MBNL1: variants seen among roughly 807,000 people sequenced by gnomAD.
MBNL1 encodes the protein muscleblind like splicing regulator 1.
Under a neutral mutation model 42.2 loss-of-function variants are expected in MBNL1, and 8 were observed. The ratio of observed to expected loss-of-function variants is 0.19; its 90% CI spans 0.11 to 0.34. The LOEUF (loss-of-function observed/expected upper bound fraction) is 0.34. Ranked by LOEUF, MBNL1 falls within the 10% of genes least tolerant of loss-of-function variation. The pLI, the probability that MBNL1 is intolerant of heterozygous loss-of-function variation, is 1.00. For synonymous variants in MBNL1, 169 were observed against 173.9 expected (o/e 0.97, Z 0.22); for missense variants, 309 against 495.3 (o/e 0.62, Z 3.57).
At chr3:152,329,695 T>TTTTA (rs1553834871) in intron 2 of MBNL1, among the ~76,000 whole-genome samples, 2 of 132,398 alleles carry the variant, frequency 1.5e-5, no homozygotes, top group Non-Finnish European at 3.5e-5. Flanking sequence ...ATCTTATATA[T>TTTTA]TATATATATA....
intron 2 of MBNL1, among the ~76,000 whole-genome samples, chr3:152,381,783 G>A (rs550647562): frequency 1.3e-5 from 2 of 152,056 alleles, no homozygotes; most frequent in East Asian, 1.9e-4. Flanking sequence ...TTGTAACTTA[G>A]AGTGAGAAAA....
upstream of MBNL1, chr3:152,266,135 G>A (rs2037190208): frequency 6.6e-6 from 1 of 152,132 alleles, no homozygotes; most frequent in Admixed American, 6.5e-5. Flanking sequence ...GTAATTTAGT[G>A]TTATATCACA....
chr3:152,401,127 G>A (rs1380816869), intron 2 of MBNL1, among the ~76,000 whole-genome samples: 1 of 152,210 alleles, frequency 6.6e-6, no homozygotes, highest in Non-Finnish European at 1.5e-5. Context: ...ATTGTCAAGT[G>A]ATGTGATAGC....
Position 152,455,575 on chromosome 3 carries a change from T to C in MBNL1, c.995T>C (p.Val332Ala), listed in dbSNP as rs1732024710. Residue 332 changes from valine to alanine, a missense_variant and splice_region_variant, in exon 7 of 10, where the codon GTT becomes GCT. Coordinates refer to ENST00000324210, the MANE Select transcript of MBNL1 (RefSeq NM_021038.5). ...SILCMTPATS[V>A]VPMVHGATPA... ...TTGTGCATGACACCCGCTACAAGTG[T>C]TGGTAGGTGCCAGCTTTGTTTCTTG... 6.2e-7 allele frequency: 1 copy of C among 1,613,576 alleles called. No individual in the cohort carries two copies. The highest frequency in any genetic ancestry group is 8.5e-7 in the Non-Finnish European group (1 of 1,179,586).
At chr3:152,319,166 T>C (rs1229523397) in intron 2 of MBNL1, among the ~76,000 whole-genome samples, 2 of 152,162 alleles carry the variant, frequency 1.3e-5, no homozygotes, top group Non-Finnish European at 2.9e-5. Context: ...GAAAACCTTT[T>C]TTTGGGGGGC....
intron 3 of MBNL1, among the ~76,000 whole-genome samples, chr3:152,428,426 G>A (rs1213489839): frequency 1.3e-5 from 2 of 152,132 alleles, no homozygotes; most frequent in African/African-American, 2.4e-5. Context: ...TGGGAACAGA[G>A]GGTAAGAAAA....
rs71144115 is a variant in MBNL1 at position 152,332,692 on chromosome 3, TTGTGTGTGTGTGTG to T, written c.174+32360_174+32373del. ...TTTTCTCTTTGAAGTTTTCATGGTT[TTGTGTGTGTGTGTG>T]TGTGTGTGTGTGTGTGTGTGTGTGT... On this transcript the variant is annotated intron_variant, in intron 2 of 9. Transcript: ENST00000324210. Among the ~76,000 whole-genome samples the T allele has an allele frequency of 8.4e-4, 112 of 132,998 alleles. No homozygotes were observed. In the East Asian group the frequency reaches 9.2e-3, roughly 11 times the overall value. The allele number at this position is 132,998 out of a possible 152,430, so 87.3% of individuals were successfully genotyped here. A position where few individuals can be genotyped will look rare whatever the true frequency, so the allele number is the denominator to read the frequency against.
intron 1 of MBNL1, among the ~76,000 whole-genome samples, chr3:152,293,809 G>C (rs139726973): frequency 4.6e-4 from 70 of 152,272 alleles, no homozygotes; most frequent in Admixed American, 2.3e-3. Context: ...GCAATGATTA[G>C]TAAACATATG....
chr3:152,337,455 TA>T (rs1439152515), intron 2 of MBNL1, among the ~76,000 whole-genome samples: 3 of 151,966 alleles, frequency 2.0e-5, no homozygotes, highest in Non-Finnish European at 4.4e-5. Flanking sequence ...GCCTGTCTAC[TA>T]AAAATACAAA....
At position 152,373,425 on chromosome 3, in the gene MBNL1, A is replaced by G. The variant is rs1374271925; in HGVS notation, c.175-41516A>G. Among the ~76,000 whole-genome samples, 3 of 149,830 alleles carry G rather than the reference A, an allele frequency of 2.0e-5. No homozygotes were observed. The East Asian group carries it at 5.9e-4, about 30-fold the overall frequency. On this transcript the variant is annotated intron_variant, in intron 2 of 9. Transcript: ENST00000324210. ...CTGCCCTGTTTTGCGCTTGAAACCC[A>G]GGGCCCTGGTAGTGTCAGCACTCGA...
At chr3:152,456,693 G>T (rs143617700) in intron 8 of MBNL1, among the ~76,000 whole-genome samples, 1 of 152,312 alleles carries the variant, frequency 6.6e-6, no homozygotes, top group East Asian at 1.9e-4. Flanking sequence ...ATCAAAAATA[G>T]AGGCCATTTT....
At chr3:152,334,459 T>C (rs1303607601) in intron 2 of MBNL1, among the ~76,000 whole-genome samples, 1 of 152,120 alleles carries the variant, frequency 6.6e-6, no homozygotes, top group Non-Finnish European at 1.5e-5. Flanking sequence ...CGAACGCCAC[T>C]AGAAAGAAAA....
chr3:152,373,341 GAAA>G (rs35536807), intron 2 of MBNL1, among the ~76,000 whole-genome samples: 4 of 90,526 alleles, frequency 4.4e-5, no homozygotes, highest in Non-Finnish European at 4.2e-5. Flanking sequence ...CTGGGGTATG[GAAA>G]AAAAAAAAAA....
chr3:152,329,070 C>T (rs553814651), intron 2 of MBNL1, among the ~76,000 whole-genome samples: 1 of 152,010 alleles, frequency 6.6e-6, no homozygotes, highest in East Asian at 1.9e-4. Flanking sequence ...TTAGTCACTT[C>T]TGGAAGGAAA....
chr3:152,384,822 G>C (rs998130892), intron 2 of MBNL1, among the ~76,000 whole-genome samples: 1 of 152,096 alleles, frequency 6.6e-6, no homozygotes, highest in African/African-American at 2.4e-5. Context: ...AACCTATGCT[G>C]TCCGGAGTTT....
At chr3:152,285,232 T>G (rs2050876026) in intron 1 of MBNL1, among the ~76,000 whole-genome samples, 1 of 152,216 alleles carries the variant, frequency 6.6e-6, no homozygotes. Context: ...CTCCCTTCTT[T>G]TGGCTTCTGT....
At chr3:152,322,813 A>G (rs1012859351) in intron 2 of MBNL1, among the ~76,000 whole-genome samples, 6 of 152,144 alleles carry the variant, frequency 3.9e-5, no homozygotes, top group Admixed American at 1.3e-4. Context: ...TGTGACAAGA[A>G]GAGCAACAGA....
At chr3:152,291,962 G>A (rs780181872) in intron 1 of MBNL1, among the ~76,000 whole-genome samples, 15 of 152,032 alleles carry the variant, frequency 9.9e-5, no homozygotes, top group Admixed American at 2.0e-4. Context: ...TTAAAAATTT[G>A]TTTTCTGTAG....
chr3:152,366,260 A>AT (rs2096362417), intron 2 of MBNL1, among the ~76,000 whole-genome samples: 1 of 152,140 alleles, frequency 6.6e-6, no homozygotes, highest in Non-Finnish European at 1.5e-5. Flanking sequence ...TACCATCAGA[A>AT]GTGTCTTATT....
Sources: allele counts gnomAD v4.1 joint callset (sites outside exome capture counted in the v4.1 genomes callset), GRCh38; gene constraint gnomAD v4.1.1; transcripts MANE v1.5; gene names NCBI Gene and HGNC (gene_info 2026-07-23, HGNC 2026-07-21).